The following WDR59 variants were observed in gnomAD, a reference collection of about 807,000 sequenced individuals.
WDR59 encodes the protein WD repeat domain 59, also known as GATOR2 complex protein WDR59.
Under a neutral mutation model 131.2 loss-of-function variants are expected in WDR59, and 100 were observed. The ratio of observed to expected loss-of-function variants is 0.76; its 90% CI spans 0.65 to 0.90. The LOEUF (loss-of-function observed/expected upper bound fraction) is 0.90, where lower values mean the gene tolerates loss of function less well. Among genes scored for constraint, WDR59 ranks in the 40% least tolerant of loss-of-function variants. The pLI, the probability that WDR59 is intolerant of heterozygous loss-of-function variation, is 0.00. For missense variants in WDR59, 1,203 were observed against 1,262.2 expected, an observed-to-expected ratio of 0.95 and a Z score of 0.71; for synonymous variants, 601 against 466.2, an observed-to-expected ratio of 1.29 and a Z score of -3.72.
chr16:74,942,693 G>T, intron 7 of WDR59, 45 bp downstream of exon 7: 1 of 1,579,012 alleles, frequency 6.3e-7, no homozygotes, highest in East Asian at 2.2e-5. Context: ...CACACCCTCT[G>T]GGAGGGATCA....
At chr16:74,970,495 CAAAAAAAAAAA>C (rs746574195) in intron 1 of WDR59, among the ~76,000 whole-genome samples, 3,416 of 32,838 alleles carry the variant, frequency 0.1, 161 homozygotes, top group African/African-American at 0.3. Context: ...ACTCTGTCTC[CAAAAAAAAAAA>C]AAAAAAAAAA....
intron 3 of WDR59, among the ~76,000 whole-genome samples, chr16:74,955,922 A>G (rs1437412214): frequency 6.6e-6 from 1 of 152,222 alleles, no homozygotes; most frequent in African/African-American, 2.4e-5. Context: ...TTTTTGTATT[A>G]GAAAACCTAA....
intron 17 of WDR59, among the ~76,000 whole-genome samples, chr16:74,904,781 A>G (rs1401048735): frequency 2.0e-5 from 3 of 152,364 alleles, no homozygotes; most frequent in East Asian, 3.9e-4. Context: ...AGAAAAGTAC[A>G]TTATGAATGT....
At chr16:74,926,995 C>T (rs1393101082) in intron 8 of WDR59, among the ~76,000 whole-genome samples, 1 of 152,132 alleles carries the variant, frequency 6.6e-6, no homozygotes, top group African/African-American at 2.4e-5. Context: ...TATGAATGAA[C>T]AAGCATTACA....
intron 10 of WDR59, among the ~76,000 whole-genome samples, chr16:74,920,858 T>C (rs1384234747): frequency 6.6e-6 from 1 of 152,052 alleles, no homozygotes; most frequent in Non-Finnish European, 1.5e-5. Flanking sequence ...AAATAGGCAG[T>C]GAAACCACAA....
chr16:74,954,783 A>G (rs941883948), intron 3 of WDR59, among the ~76,000 whole-genome samples: 1 of 152,246 alleles, frequency 6.6e-6, no homozygotes, highest in African/African-American at 2.4e-5. Context: ...TCCACTGATA[A>G]AAAGGAATGA....
At chr16:74,899,339 C>G (rs188939539) in intron 18 of WDR59, among the ~76,000 whole-genome samples, 133 of 152,294 alleles carry the variant, frequency 8.7e-4, no homozygotes, top group African/African-American at 2.9e-3. Context: ...TCTGCTCCCC[C>G]CATGCCAAAG....
rs955021625 is a variant in WDR59 at position 74,910,478 on chromosome 16, C to T, written c.1390-561G>A. On this transcript the variant is annotated intron_variant, in intron 14 of 25. Transcript: ENST00000262144. ...ATTTTGAGAGGGCAGCTTTCAGTAACAGAAGGACTATTACTTCTTTCTAGT... is the reference window on the plus strand; with the variant it reads ...ATTTTGAGAGGGCAGCTTTCAGTAATAGAAGGACTATTACTTCTTTCTAGT... 8.5e-5 allele frequency among the ~76,000 whole-genome samples: 13 copies of T among 152,282 alleles called. 1 individual carries two copies. In the South Asian group the frequency reaches 2.7e-3, roughly 32 times the overall value.
rs2032997954 is a variant in WDR59 at position 74,951,501 on chromosome 16, C to T, written c.283G>A (p.Gly95Arg). 3 of 1,603,332 alleles carry T rather than the reference C, an allele frequency of 1.9e-6. No homozygotes were observed. The highest frequency in any genetic ancestry group is 1.7e-5 in the Admixed American group (1 of 58,070). ...VDLYKWKDGS[G>R]EVGTTLQGHT... ...CCTTGTAAGGTTGTGCCAACTTCCC[C>T]ACTGCCGTCTTTCCACTTGTAAAGG... Residue 95 changes from glycine to arginine, a missense_variant, in exon 4 of 26, where the codon GGG (glycine) becomes AGG (arginine). Physicochemically the swap from Gly to Arg is moderately radical, Grantham distance 125. Transcript: ENST00000262144.
chr16:74,956,808 G>A (rs1004037999), intron 2 of WDR59, among the ~76,000 whole-genome samples, 198 bp from the exon 3 acceptor site: 1 of 152,172 alleles, frequency 6.6e-6, no homozygotes, highest in Non-Finnish European at 1.5e-5. Flanking sequence ...GGGAAGAAGT[G>A]TCCCTGTGAG....
intron 25 of WDR59, among the ~76,000 whole-genome samples, chr16:74,875,249 C>T (rs574800776): frequency 6.6e-6 from 1 of 152,358 alleles, no homozygotes; most frequent in East Asian, 1.9e-4. Context: ...GTAAAACCTG[C>T]TCTATCTACT....
At chr16:74,885,994 T>A (rs1198618967) in intron 24 of WDR59, 199 bp from the exon 25 acceptor site, 1 of 688,114 alleles carries the variant, frequency 1.5e-6, no homozygotes. Context: ...CTGGCCAACA[T>A]GGTGAAACCC....
At chr16:74,952,445 CAAAAAAA>C (rs61448932) in intron 3 of WDR59, among the ~76,000 whole-genome samples, 1,067 of 62,716 alleles carry the variant, frequency 0.017, 11 homozygotes, top group East Asian at 0.065. Flanking sequence ...CCATCTCAAA[CAAAAAAA>C]AAAAAAAAAA....
chr16:74,942,512 G>T (rs1394971943), intron 7 of WDR59, among the ~76,000 whole-genome samples: 1 of 152,112 alleles, frequency 6.6e-6, no homozygotes, highest in Non-Finnish European at 1.5e-5. Flanking sequence ...TGGCAAAATG[G>T]AGCTGATTTT....
In WDR59 at chr16:74,985,101, A is replaced by C. The variant is rs1597837449; in HGVS notation, c.-84T>G. On this transcript the variant is annotated 5_prime_UTR_variant, in exon 1 of 26. Transcript: ENST00000262144. Reference sequence around the variant, plus strand: ...TATCCCGGGACCGTGCGCCCCACACAGCCAGAGAATCAGCCCCGACACGCC... The same window carrying C: ...TATCCCGGGACCGTGCGCCCCACACCGCCAGAGAATCAGCCCCGACACGCC... 1.5e-6 allele frequency: 2 copies of C among 1,376,320 alleles called. No homozygotes were observed. Among genetic ancestry groups the C allele is most frequent in the South Asian group, 2.5e-5 (2 of 80,560 alleles). The allele number at this position is 1,376,320 out of a possible 1,614,324, so 85.3% of individuals were successfully genotyped here. A position where few individuals can be genotyped will look rare whatever the true frequency, so the allele number is the denominator to read the frequency against.
At chr16:74,900,214 C>A (rs560821795) in intron 18 of WDR59, among the ~76,000 whole-genome samples, 4 of 152,180 alleles carry the variant, frequency 2.6e-5, no homozygotes, top group South Asian at 2.1e-4. Context: ...AGGCTCAATA[C>A]CAAATTTTTT....
At chr16:74,975,028 C>T (rs1188973312) in intron 1 of WDR59, among the ~76,000 whole-genome samples, 1 of 152,154 alleles carries the variant, frequency 6.6e-6, no homozygotes, top group Non-Finnish European at 1.5e-5. Context: ...GCCTGGGGAA[C>T]CCCCAACACA....
intron 8 of WDR59, 39 bp from the exon 9 acceptor site, chr16:74,924,042 C>T: frequency 1.3e-6 from 2 of 1,589,430 alleles, no homozygotes; most frequent in Non-Finnish European, 1.7e-6. Context: ...GAAATAAATG[C>T]CATTAAAAAA....
chr16:74,919,285 T>C (rs547640433), intron 10 of WDR59, among the ~76,000 whole-genome samples: 1 of 151,992 alleles, frequency 6.6e-6, no homozygotes, highest in Admixed American at 6.6e-5. Context: ...TGCCACCCTA[T>C]GATCTGGCTT....
Sources: allele counts gnomAD v4.1 joint callset (sites outside exome capture counted in the v4.1 genomes callset), GRCh38; gene constraint gnomAD v4.1.1; transcripts MANE v1.5; gene names NCBI Gene and HGNC (gene_info 2026-07-23, HGNC 2026-07-21).